PHEX: variants seen among roughly 807,000 people sequenced by gnomAD.
PHEX encodes phosphate-regulating neutral endopeptidase PHEX.
PHEX carries 16 observed loss-of-function variants against 68.0 expected under a neutral mutation model. That is an observed-to-expected ratio of 0.24 (90% confidence interval 0.16 to 0.36). PHEX has a LOEUF of 0.36. PHEX is among the 10% of genes least tolerant of loss of function. The probability of loss-of-function intolerance (pLI) is 1.00; values close to 1 mark genes in which losing one functional copy is unlikely to be tolerated. For missense variants in PHEX, 480 were observed against 575.5 expected (o/e 0.83, Z 1.70); for synonymous variants, 208 against 205.1 (o/e 1.01, Z -0.12).
At chrX:22,199,507 G>A (rs1276477060) in intron 15 of PHEX, among the ~76,000 whole-genome samples, 1 of 111,698 alleles carries the variant, frequency 9.0e-6, no homozygotes, top group Non-Finnish European at 1.9e-5. Context: ...ATTCTGAGTA[G>A]CATGATGAAA....
At chrX:22,137,815 C>G (rs956920056) in intron 12 of PHEX, among the ~76,000 whole-genome samples, 1 of 111,902 alleles carries the variant, frequency 8.9e-6, no homozygotes, top group Admixed American at 9.5e-5. Context: ...TGCCTGACTT[C>G]CAACTGCAGC....
chrX:22,059,580 G>C (rs1435535332), intron 3 of PHEX, among the ~76,000 whole-genome samples: 3 of 112,052 alleles, frequency 2.7e-5, no homozygotes, highest in Non-Finnish European at 5.6e-5. Context: ...ATTATTCTCA[G>C]AATGGTCCAT....
rs779044425 is a variant in PHEX, at chrX:22,197,989, A to G, written c.1645+7487A>G. The stretch of plus-strand genomic sequence containing the variant: ...GTTTTTGTGAAGATTAAATGATACT[A>G]TATATTTAATATCTAATGTTATCTA... On this transcript the variant is annotated intron_variant, in intron 15 of 21. Transcript: ENST00000379374. Among the ~76,000 whole-genome samples, 3 of 107,460 alleles carry G rather than the reference A, an allele frequency of 2.8e-5. No individual in the cohort carries two copies. In the South Asian group the frequency reaches 1.2e-3, roughly 42 times the overall value. 93.3% of individuals were successfully genotyped at this position (107,460 alleles called of 115,157 possible). A position where few individuals can be genotyped will look rare whatever the true frequency, so the allele number is the denominator to read the frequency against.
intron 21 of PHEX, among the ~76,000 whole-genome samples, chrX:22,246,447 T>C (rs1370431579): frequency 8.9e-6 from 1 of 111,881 alleles, no homozygotes; most frequent in Non-Finnish European, 1.9e-5. Flanking sequence ...AAATTGACTA[T>C]AAATTACCCA....
At chrX:22,096,581 T>C (rs1256591305) in intron 7 of PHEX, among the ~76,000 whole-genome samples, 1 of 111,999 alleles carries the variant, frequency 8.9e-6, no homozygotes, top group Non-Finnish European at 1.9e-5. Context: ...GGTCTGTGGT[T>C]CATGAAATAT....
rs759048384 is a variant in PHEX, at chrX:22,219,610, GATT to G, written c.1768+525_1768+527del. On this transcript the variant is annotated intron_variant, in intron 17 of 21. Coordinates refer to ENST00000379374, the MANE Select transcript of PHEX (RefSeq NM_000444.6). The stretch of plus-strand genomic sequence containing the variant: ...TTTTCTCTATACTGGCTTATATTCT[GATT>G]ATTATTATTATTATTATCATTATTG... Among the ~76,000 whole-genome samples the G allele has an allele frequency of 9.4e-4, 94 of 100,008 alleles. 1 individual carries two copies. The highest frequency in any genetic ancestry group is 5.3e-3 in the Middle Eastern group (1 of 188). 86.8% of individuals were successfully genotyped at this position (100,008 alleles called of 115,157 possible).
At chrX:22,085,075 A>G (rs1929569128) in intron 5 of PHEX, among the ~76,000 whole-genome samples, 1 of 110,617 alleles carries the variant, frequency 9.0e-6, no homozygotes, top group South Asian at 3.8e-4. Context: ...GTATCATTAG[A>G]TTGTTTATGA....
chrX:22,126,292 A>G (rs969969593), intron 11 of PHEX, among the ~76,000 whole-genome samples: 1 of 112,202 alleles, frequency 8.9e-6, no homozygotes, highest in South Asian at 3.7e-4. Flanking sequence ...ACACCTATGT[A>G]TTATTCTGAT....
chrX:22,236,775 G>C (rs1935994982), intron 20 of PHEX, among the ~76,000 whole-genome samples: 1 of 97,945 alleles, frequency 1.0e-5, no homozygotes, highest in African/African-American at 4.0e-5. Flanking sequence ...CCCTGCTCTA[G>C]AGGACAAAGT....
intron 20 of PHEX, among the ~76,000 whole-genome samples, chrX:22,244,644 A>G (rs1301602923): frequency 1.8e-5 from 2 of 111,230 alleles, no homozygotes; most frequent in African/African-American, 6.5e-5. Context: ...TAGAGTCTAT[A>G]TCTTGGCATG....
chrX:22,048,447 TTTC>T (rs1927647303), intron 3 of PHEX, among the ~76,000 whole-genome samples: 1 of 111,627 alleles, frequency 9.0e-6, no homozygotes, highest in Admixed American at 9.6e-5. Context: ...TTCTCTGGCT[TTTC>T]TTAATAGACA....
intron 12 of PHEX, among the ~76,000 whole-genome samples, chrX:22,138,320 C>T (rs1263769551): frequency 1.8e-5 from 2 of 112,762 alleles, no homozygotes; most frequent in African/African-American, 6.4e-5. Flanking sequence ...CAACAGCATG[C>T]CAGGTGCTGA....
At chrX:22,064,647 G>A (rs911555030) in intron 3 of PHEX, among the ~76,000 whole-genome samples, 3 of 112,138 alleles carry the variant, frequency 2.7e-5, no homozygotes, top group Non-Finnish European at 5.6e-5. Flanking sequence ...AAGAAATTCA[G>A]TACCTCTCCA....
Position 22,032,989 on chromosome X carries a change from T to C in PHEX, c.-17T>C, listed in dbSNP as rs755577853. On this transcript the variant is annotated 5_prime_UTR_variant, in exon 1 of 22. Transcript: ENST00000379374. ...GAAAAGTGACTTTCTTCTCGTGTGC[T>C]CTCTACGGCCCTTCTGATGGAAGCA... 1 of 1,152,147 alleles carries C rather than the reference T, an allele frequency of 8.7e-7. No individual in the cohort carries two copies. Among genetic ancestry groups the C allele is most frequent in the Admixed American group, 2.2e-5 (1 of 45,818 alleles). The allele number at this position is 1,152,147 out of a possible 1,213,427, so 94.9% of individuals were successfully genotyped here.
chrX:22,148,190 G>C (rs946694680), intron 12 of PHEX, among the ~76,000 whole-genome samples: 1 of 110,996 alleles, frequency 9.0e-6, no homozygotes, highest in Non-Finnish European at 1.9e-5. Context: ...GTGGCTGGAC[G>C]TCCAAGGTGG....
chrX:22,189,405 A>G (rs1322176153), intron 14 of PHEX, among the ~76,000 whole-genome samples: 1 of 111,565 alleles, frequency 9.0e-6, no homozygotes, highest in East Asian at 2.8e-4. Flanking sequence ...TCATCCCAAA[A>G]TAATTCCGTT....
At chrX:22,167,269 CAA>C (rs1378310078) in intron 12 of PHEX, among the ~76,000 whole-genome samples, 1 of 110,886 alleles carries the variant, frequency 9.0e-6, no homozygotes, top group Non-Finnish European at 1.9e-5. Context: ...CAACAGTGCT[CAA>C]GAGTTCCCTT....
intron 12 of PHEX, among the ~76,000 whole-genome samples, chrX:22,161,985 A>G (rs1367604835): frequency 1.8e-5 from 2 of 111,804 alleles, no homozygotes; most frequent in African/African-American, 6.5e-5. Context: ...TGCAAGTGGT[A>G]TGAACACATA....
At chrX:22,129,181 G>C (rs773112464) in intron 11 of PHEX, among the ~76,000 whole-genome samples, 1 of 111,242 alleles carries the variant, frequency 9.0e-6, no homozygotes, top group African/African-American at 3.3e-5. Context: ...GACAAACGAA[G>C]GGTGATTCAC....
Sources: gnomAD v4.1 joint callset for allele counts (sites outside exome capture counted in the v4.1 genomes callset) on GRCh38, gnomAD v4.1.1 for gene constraint, MANE v1.5 for transcripts, NCBI Gene and HGNC (gene_info 2026-07-23, HGNC 2026-07-21) for gene names.